Variants in ASB15 observed in about 807,000 individuals in gnomAD.
The protein encoded by ASB15 is ankyrin repeat and SOCS box protein 15.
ASB15 carries 54 observed loss-of-function variants against 58.0 expected under a neutral mutation model. The ratio of observed to expected loss-of-function variants is 0.93; its 90% CI spans 0.75 to 1.17. The LOEUF (loss-of-function observed/expected upper bound fraction) is 1.17, where lower values mean the gene tolerates loss of function less well. Among genes scored for constraint, ASB15 ranks in the 50% most tolerant of loss-of-function variants. The pLI is 0.00. For synonymous variants in ASB15, 249 were observed against 262.4 expected (o/e 0.95, Z 0.50); for missense variants, 680 against 707.4 (o/e 0.96, Z 0.44).
chr7:123,615,078 CATTA>C (rs938557671), intron 4 of ASB15, among the ~76,000 whole-genome samples: 17 of 151,970 alleles, frequency 1.1e-4, no homozygotes, highest in African/African-American at 3.6e-4. Context: ...CCATGTAGCC[CATTA>C]GTTAATGAAT....
At chr7:123,630,521 C>T (rs554797293) in intron 11 of ASB15, among the ~76,000 whole-genome samples, 27 of 152,198 alleles carry the variant, frequency 1.8e-4, no homozygotes, top group African/African-American at 6.3e-4. Context: ...GAATGAACAG[C>T]AGGGATTAGA....
chr7:123,602,942 A>T (rs1410088080), intron 1 of ASB15, among the ~76,000 whole-genome samples: 1 of 152,140 alleles, frequency 6.6e-6, no homozygotes, highest in Non-Finnish European at 1.5e-5. Context: ...TTACCTAATG[A>T]CTCTGTGCTT....
At chr7:123,625,867 G>A (rs953162177) in intron 8 of ASB15, among the ~76,000 whole-genome samples, 3 of 152,146 alleles carry the variant, frequency 2.0e-5, no homozygotes, top group Non-Finnish European at 2.9e-5. Flanking sequence ...ACATTTTTGA[G>A]GTGTCCCAAT....
chr7:123,586,287 G>C (rs374371875), intron 1 of ASB15, among the ~76,000 whole-genome samples: 1 of 151,756 alleles, frequency 6.6e-6, no homozygotes, highest in Non-Finnish European at 1.5e-5. Context: ...GGTGTGAAGT[G>C]CTGTCTCTTT....
rs527445055 is a variant in ASB15, at chr7:123,638,265, G to C, written c.*1284G>C. ...ATTCCCATTGCTCTTAAATTCCAAA[G>C]TTCTTACTTGAACTTTCATGATCTA... On this transcript the variant is annotated 3_prime_UTR_variant, in exon 12 of 12. Transcript: ENST00000451215. 4.6e-5 allele frequency: 7 copies of C among 152,142 alleles called. No individual in the cohort carries two copies. Among genetic ancestry groups the C allele is most frequent in the African/African-American group, 1.7e-4 (7 of 41,486 alleles). 9.4% of individuals were successfully genotyped at this position (152,142 alleles called of 1,614,324 possible).
Position 123,637,112 on chromosome 7 carries a change from T to G in ASB15, c.*131T>G. ...ATTGACAGTTTTATAGGTTATCATGTGTTCTTATGGGAACACCATGATTTA... is the reference window on the plus strand; with the variant it reads ...ATTGACAGTTTTATAGGTTATCATGGGTTCTTATGGGAACACCATGATTTA... On this transcript the variant is annotated 3_prime_UTR_variant, in exon 12 of 12. Coordinates refer to ENST00000451215, the MANE Select transcript of ASB15 (RefSeq NM_001290258.2). 1.6e-6 allele frequency: 1 copy of G among 613,416 alleles called. No individual in the cohort carries two copies. Among genetic ancestry groups the G allele is most frequent in the Non-Finnish European group, 2.7e-6 (1 of 368,304 alleles). The allele number at this position is 613,416 out of a possible 1,614,324, so 38.0% of individuals were successfully genotyped here.
chr7:123,636,321 A>G (rs1047265898), intron 11 of ASB15, among the ~76,000 whole-genome samples: 15 of 152,354 alleles, frequency 9.8e-5, no homozygotes, highest in Non-Finnish European at 1.8e-4. Flanking sequence ...TTGAGAATAT[A>G]CAAGGTTTAA....
chr7:123,615,405 G>GA (rs1489241126), intron 4 of ASB15: 3 of 152,068 alleles, frequency 2.0e-5, no homozygotes, highest in Non-Finnish European at 4.4e-5. Context: ...TTTGAGCTTT[G>GA]AAAAAATAGA....
In ASB15 at chr7:123,630,070, G is replaced by T. The variant is rs746045561; in HGVS notation, c.1545G>T (p.Lys515Asn). 60 of 1,608,524 alleles carry T rather than the reference G, an allele frequency of 3.7e-5. No individual in the cohort carries two copies. The highest frequency in any genetic ancestry group is 5.1e-5 in the Non-Finnish European group (60 of 1,176,282). ...ATGTTCCTCTGTGTGCTAAACTGAA[G>T]TCTGCACTAGAAGTACAGAGAGAAT... is the stretch of plus-strand genomic sequence containing the variant. Reference protein sequence around the residue: ...MDYVPLCAKLKSALEVQREWP... With the variant: ...MDYVPLCAKLNSALEVQREWP... Residue 515 changes from lysine to asparagine, a missense_variant, in exon 11 of 12, where the codon AAG becomes AAT. Physicochemically the swap from Lys to Asn is moderately conservative, Grantham distance 94. Transcript: ENST00000451215.
intron 9 of ASB15, 63 bp from the exon 10 acceptor site, chr7:123,628,801 G>C (rs910867551): frequency 1.6e-5 from 18 of 1,129,896 alleles, no homozygotes; most frequent in Non-Finnish European, 2.0e-5. Flanking sequence ...TAGTGAGAAC[G>C]GTAGTTTATT....
intron 11 of ASB15, among the ~76,000 whole-genome samples, chr7:123,634,948 A>G (rs184965200): frequency 1.5e-3 from 222 of 152,340 alleles, no homozygotes; most frequent in African/African-American, 5.0e-3. Flanking sequence ...ACAGTGGGAC[A>G]TGGAACTGCA....
chr7:123,580,492 T>C (rs1309826580), intron 1 of ASB15, among the ~76,000 whole-genome samples: 2 of 152,070 alleles, frequency 1.3e-5, no homozygotes, highest in Non-Finnish European at 2.9e-5. Flanking sequence ...CTTAACCCCC[T>C]AAGCCTTACT....
At chr7:123,583,318 A>G (rs997739463) in intron 1 of ASB15, among the ~76,000 whole-genome samples, 1 of 151,984 alleles carries the variant, frequency 6.6e-6, no homozygotes, top group East Asian at 1.9e-4. Context: ...CCTAATTTCA[A>G]CATATATCAT....
At chr7:123,585,067 C>A (rs1360495296) in intron 1 of ASB15, 1 of 151,548 alleles carries the variant, frequency 6.6e-6, no homozygotes, top group African/African-American at 2.4e-5. Context: ...GATCTTCCCT[C>A]CCAAATAAAA....
At chr7:123,634,419 T>C (rs1802305897) in intron 11 of ASB15, among the ~76,000 whole-genome samples, 1 of 152,374 alleles carries the variant, frequency 6.6e-6, no homozygotes, top group Middle Eastern at 3.4e-3. Context: ...CCATGGTGTA[T>C]ATGTATCAAA....
Position 123,629,212 on chromosome 7 carries a change from C to A in ASB15, c.1218C>A (p.Val406=). The change falls in exon 10 of 12, where the codon GTC becomes GTA. Residue 406 remains valine (V), a synonymous_variant. Transcript: ENST00000451215. ...TGCTTCTCTCCCATGGAGCTAATGT[C>A]AATTGTTATTTTATGCATGTGAATG... is the stretch of plus-strand genomic sequence containing the variant. ...VRLLLSHGAN[V]NCYFMHVNDT... is the part of the protein sequence containing the mutation. The A allele has an allele frequency of 6.2e-7, 1 of 1,613,514 alleles. No homozygotes were observed. The highest frequency in any genetic ancestry group is 1.1e-5 in the South Asian group (1 of 91,048).
At chr7:123,572,577 T>A (rs1170605050) in intron 1 of ASB15, among the ~76,000 whole-genome samples, 2 of 152,140 alleles carry the variant, frequency 1.3e-5, no homozygotes. Flanking sequence ...TGGTTGTTCC[T>A]TATATTGTTA....
chr7:123,637,121 G>A lies in ASB15; in HGVS notation c.*140G>A. On this transcript the variant is annotated 3_prime_UTR_variant, in exon 12 of 12. Coordinates refer to ENST00000451215, the MANE Select transcript of ASB15 (RefSeq NM_001290258.2). Reference sequence around the variant, plus strand: ...TTTATAGGTTATCATGTGTTCTTATGGGAACACCATGATTTATGTCTTTAA... The same window carrying A: ...TTTATAGGTTATCATGTGTTCTTATAGGAACACCATGATTTATGTCTTTAA... The A allele has an allele frequency of 3.6e-6, 2 of 560,644 alleles. No homozygotes were observed. Among genetic ancestry groups the A allele is most frequent in the Non-Finnish European group, 6.1e-6 (2 of 329,372 alleles). The allele number at this position is 560,644 out of a possible 1,614,324, so 34.7% of individuals were successfully genotyped here. A position where few individuals can be genotyped will look rare whatever the true frequency, so the allele number is the denominator to read the frequency against.
chr7:123,623,890 G>A lies in ASB15; in HGVS notation c.452-679G>A, dbSNP rs367956530. On this transcript the variant is annotated intron_variant, in intron 7 of 11. Coordinates refer to ENST00000451215, the MANE Select transcript of ASB15 (RefSeq NM_001290258.2). ...AAAAAAAAAAAAGAAAAGAAAAGAA[G>A]AAAGAAAGAATGGAAGGAAGGAAGG... Among the ~76,000 whole-genome samples the A allele has an allele frequency of 5.0e-3, 136 of 27,326 alleles. 5 individuals carry two copies. The highest frequency in any genetic ancestry group is 0.031 in the Middle Eastern group (2 of 64). The allele number at this position is 27,326 out of a possible 152,430, so 17.9% of individuals were successfully genotyped here. A position where few individuals can be genotyped will look rare whatever the true frequency, so the allele number is the denominator to read the frequency against.
Sources: gnomAD v4.1 joint callset for allele counts (sites outside exome capture counted in the v4.1 genomes callset) on GRCh38, gnomAD v4.1.1 for gene constraint, MANE v1.5 for transcripts, NCBI Gene and HGNC (gene_info 2026-07-23, HGNC 2026-07-21) for gene names.